UBQLN1: variants seen among roughly 807,000 people sequenced by gnomAD.
UBQLN1 encodes the protein ubiquilin 1, also known as ubiquilin-1.
A neutral mutation model predicts 65.4 loss-of-function variants in UBQLN1; 13 were observed. That is an observed-to-expected ratio of 0.20 (90% CI 0.13 to 0.32). The LOEUF (loss-of-function observed/expected upper bound fraction) is 0.32. UBQLN1 is among the 10% of genes least tolerant of loss of function. The pLI, the probability that UBQLN1 is intolerant of heterozygous loss-of-function variation, is 1.00. For missense variants in UBQLN1, 561 were observed against 724.0 expected, an observed-to-expected ratio of 0.77 and a Z score of 2.58; for synonymous variants, 267 against 247.8, an observed-to-expected ratio of 1.08 and a Z score of -0.73.
intron 1 of UBQLN1, among the ~76,000 whole-genome samples, chr9:83,704,530 A>T (rs1445475766): frequency 2.0e-5 from 3 of 152,230 alleles, no homozygotes; most frequent in Non-Finnish European, 4.4e-5. Context: ...TTATCTATTA[A>T]CAATTCGTAC....
Position 83,664,017 on chromosome 9 carries a change from C to T in UBQLN1, c.1475G>A (p.Gly492Glu), listed in dbSNP as rs1452527441. Residue 492 changes from glycine to glutamate, a missense_variant, in exon 10 of 11, where the codon GGA becomes GAA. By Grantham distance (98) the Gly-to-Glu change is moderately conservative. Around this residue, in one of 8 missense-constraint regions of UBQLN1, gnomAD observed 68 missense variants for 62.2 expected, o/e 1.09. Transcript: ENST00000376395. ...AGTTCCCGAAGAGCCTCCAGTGCTT[C>T]CTAATGCCCCCAAGCCAGGAGTAAA... Reference protein sequence around the residue: ...PGFTPGLGALGSTGGSSGTNG... With the variant: ...PGFTPGLGALESTGGSSGTNG... The T allele has an allele frequency of 6.8e-6, 11 of 1,614,004 alleles. No homozygotes were observed. Among genetic ancestry groups the T allele is most frequent in the Non-Finnish European group, 7.6e-6 (9 of 1,179,938 alleles).
Position 83,707,664 on chromosome 9 carries a change from C to G in UBQLN1, c.16G>C (p.Glu6Gln), listed in dbSNP as rs1832438872. The G allele has an allele frequency of 2.6e-6, 4 of 1,555,392 alleles. No individual in the cohort carries two copies. The highest frequency in any genetic ancestry group is 3.5e-6 in the Non-Finnish European group (4 of 1,152,236). The change falls in exon 1 of 11, where the codon GAA (glutamate) becomes CAA (glutamine). Residue 6 changes from glutamate (E) to glutamine (Q), a missense_variant. Glu to Gln is a conservative substitution (Grantham distance 29, BLOSUM62 2). Around this residue, in one of 8 missense-constraint regions of UBQLN1, gnomAD observed 101 missense variants for 104.9 expected, o/e 0.96. Coordinates refer to ENST00000376395, the MANE Select transcript of UBQLN1 (RefSeq NM_013438.5). Reference protein sequence around the residue: MAESGESGGPPGSQDS... With the variant: MAESGQSGGPPGSQDS... Reference sequence around the variant, plus strand: ...TGGGAGCCCGGAGGACCGCCGCTTTCACCACTCTCGGCCATGGCTGTGGCG... The same window carrying G: ...TGGGAGCCCGGAGGACCGCCGCTTTGACCACTCTCGGCCATGGCTGTGGCG...
At chr9:83,707,167 T>A (rs533819415) in intron 1 of UBQLN1, among the ~76,000 whole-genome samples, 1 of 151,604 alleles carries the variant, frequency 6.6e-6, no homozygotes, top group East Asian at 2.0e-4. Context: ...AGGCTGGCGG[T>A]GGGTCCCTTT....
intron 3 of UBQLN1, among the ~76,000 whole-genome samples, chr9:83,680,887 A>G (rs1258471721): frequency 1.3e-5 from 2 of 152,200 alleles, no homozygotes; most frequent in African/African-American, 2.4e-5. Flanking sequence ...TGCAGGACTG[A>G]GTCTGCTAAC....
Position 83,707,625 on chromosome 9 carries a change from C to T in UBQLN1, c.55G>A (p.Gly19Arg), listed in dbSNP as rs992158410. 5 of 1,582,342 alleles carry T rather than the reference C, an allele frequency of 3.2e-6. No individual in the cohort carries two copies. The African/African-American group carries it at 5.4e-5, about 17-fold the overall frequency. The change falls in exon 1 of 11, where the codon GGA (glycine) becomes AGA (arginine). Residue 19 changes from glycine to arginine, a missense_variant. By Grantham distance (125) the Gly-to-Arg change is moderately radical. Coordinates refer to ENST00000376395, the MANE Select transcript of UBQLN1 (RefSeq NM_013438.5). ...GCGGGGGCGCCAGCACCTTCGGCTCCGGCGGCGCTATCCTGGGAGCCCGGA... is the reference window on the plus strand; with the variant it reads ...GCGGGGGCGCCAGCACCTTCGGCTCTGGCGGCGCTATCCTGGGAGCCCGGA... ...GPPGSQDSAA[G>R]AEGAGAPAAA...
At chr9:83,692,501 C>G (rs1325567183) in intron 1 of UBQLN1, among the ~76,000 whole-genome samples, 1 of 152,138 alleles carries the variant, frequency 6.6e-6, no homozygotes, top group Non-Finnish European at 1.5e-5. Flanking sequence ...GCTGTTTAGA[C>G]AGAGGTAGCT....
At chr9:83,667,949 A>T in intron 7 of UBQLN1, 1 of 985,046 alleles carries the variant, frequency 1.0e-6, no homozygotes, top group Non-Finnish European at 1.2e-6. Context: ...TGAGTGCTCA[A>T]GTCACTTTAC....
At chr9:83,695,831 T>C (rs372813123) in intron 1 of UBQLN1, among the ~76,000 whole-genome samples, 114 of 152,336 alleles carry the variant, frequency 7.5e-4, no homozygotes, top group African/African-American at 2.7e-3. Context: ...CTGTGAAGTA[T>C]GCTAATCCAA....
At chr9:83,668,180 C>A (rs1246901854) in intron 7 of UBQLN1, 1 of 985,106 alleles carries the variant, frequency 1.0e-6, no homozygotes, top group Non-Finnish European at 1.2e-6. Context: ...CACAAAAATT[C>A]TTCTTAAAAT....
intron 7 of UBQLN1, chr9:83,668,668 A>C: frequency 1.0e-6 from 1 of 979,526 alleles, no homozygotes; most frequent in South Asian, 4.7e-5. Context: ...TACATTAATA[A>C]GGGACCTGTA....
intron 9 of UBQLN1, 94 bp downstream of exon 9, chr9:83,664,936 A>G: frequency 1.2e-6 from 1 of 802,038 alleles, no homozygotes; most frequent in East Asian, 3.5e-5. Flanking sequence ...AAAAAAAAAA[A>G]AAAAAAAAAA....
At chr9:83,694,849 G>A (rs902409369) in intron 1 of UBQLN1, among the ~76,000 whole-genome samples, 3 of 152,146 alleles carry the variant, frequency 2.0e-5, no homozygotes, top group Non-Finnish European at 2.9e-5. Context: ...GGTATTACAC[G>A]ATATGTTAAA....
chr9:83,664,597 A>G (rs543147571), intron 9 of UBQLN1, among the ~76,000 whole-genome samples: 122 of 152,162 alleles, frequency 8.0e-4, no homozygotes, highest in Non-Finnish European at 1.6e-3. Context: ...TAATAAATAA[A>G]TAAGTAAATA....
At chr9:83,673,449 G>C (rs1014712729) in intron 6 of UBQLN1, among the ~76,000 whole-genome samples, 4 of 149,288 alleles carry the variant, frequency 2.7e-5, no homozygotes, top group African/African-American at 7.4e-5. Context: ...GGAGGCTGAG[G>C]CACGAGAATC....
rs1227687588 is a variant in UBQLN1 at position 83,686,136 on chromosome 9, T to C, written c.200A>G (p.Lys67Arg). 1 of 1,582,424 alleles carries C rather than the reference T, an allele frequency of 6.3e-7. No homozygotes were observed. The highest frequency in any genetic ancestry group is 8.6e-7 in the Non-Finnish European group (1 of 1,167,876). Residue 67 changes from lysine (K) to arginine (R), a missense_variant, in exon 2 of 11, where the codon AAA (lysine) becomes AGA (arginine). Transcript: ENST00000376395. ...TTGGTCAGTATGTGATTTAAAACGT[T>C]TAGAGATTTCTTCCTTAAACTAAAT... ...SVQQFKEEIS[K>R]RFKSHTDQLV...
Position 83,662,273 on chromosome 9 carries a change from T to TACACACACACACAC in UBQLN1, c.1618-348_1618-335dup, listed in dbSNP as rs370539805. On this transcript the variant is annotated intron_variant, in intron 10 of 10. Transcript: ENST00000376395. ...GTGTGTGTGTATATACATATACATA[T>TACACACACACACAC]ACACACACACACACACACACACACA... Among the ~76,000 whole-genome samples the TACACACACACACAC allele has an allele frequency of 3.5e-5, 5 of 143,436 alleles. No individual in the cohort carries two copies. The South Asian group carries it at 6.7e-4, about 19-fold the overall frequency. The allele number at this position is 143,436 out of a possible 152,430, so 94.1% of individuals were successfully genotyped here.
chr9:83,674,840 C>T (rs1410243245), intron 6 of UBQLN1, among the ~76,000 whole-genome samples: 4 of 151,620 alleles, frequency 2.6e-5, no homozygotes, highest in African/African-American at 9.7e-5. Flanking sequence ...AGGGTAAGAC[C>T]ATTTTTTAAA....
chr9:83,664,961 T>TA (rs1246077584), intron 9 of UBQLN1, 69 bp downstream of exon 9: 2 of 554,576 alleles, frequency 3.6e-6, no homozygotes, highest in African/African-American at 4.4e-5. Flanking sequence ...GGCAGAATAA[T>TA]ACTAAATCTG....
chr9:83,691,474 C>T (rs1170140433), intron 1 of UBQLN1, among the ~76,000 whole-genome samples: 1 of 152,176 alleles, frequency 6.6e-6, no homozygotes, highest in Non-Finnish European at 1.5e-5. Flanking sequence ...AGTCTCCTAA[C>T]CATGAGTTGT....
Sources: allele counts gnomAD v4.1 joint callset (sites outside exome capture counted in the v4.1 genomes callset), GRCh38; gene constraint gnomAD v4.1.1; regional missense constraint gnomAD v4.1.1; transcripts MANE v1.5; gene names NCBI Gene and HGNC (gene_info 2026-07-23, HGNC 2026-07-21).